PAX4: variants seen among roughly 807,000 people sequenced by gnomAD.
PAX4 encodes the protein paired box protein Pax-4.
PAX4 carries 33 observed loss-of-function variants against 40.6 expected under a neutral mutation model. That is an observed-to-expected ratio of 0.81 (90% CI 0.62 to 1.09). The LOEUF (loss-of-function observed/expected upper bound fraction) is 1.09, where lower values mean the gene tolerates loss of function less well. Ranked by LOEUF, PAX4 falls within the 50% of genes least tolerant of loss-of-function variation. The probability of loss-of-function intolerance (pLI) is 0.00; values close to 1 mark genes in which losing one functional copy is unlikely to be tolerated. For synonymous variants in PAX4, 174 were observed against 170.6 expected (o/e 1.02, Z -0.16); for missense variants, 459 against 442.5 (o/e 1.04, Z -0.33).
intron 8 of PAX4, 121 bp downstream of exon 8, chr7:127,613,329 G>T (rs1794666913): frequency 1.0e-6 from 1 of 991,990 alleles, no homozygotes; most frequent in Non-Finnish European, 1.6e-6. Context: ...TCTGATTGTT[G>T]CTCCAAACAA....
Position 127,611,087 on chromosome 7 carries a change from G to A in PAX4, c.1033C>T (p.Pro345Ser). The A allele has an allele frequency of 6.2e-7, 1 of 1,607,196 alleles. No individual in the cohort carries two copies. The highest frequency in any genetic ancestry group is 8.5e-7 in the Non-Finnish European group (1 of 1,176,212). ...GSQALLWPGC[P>S]LLYGLE is the part of the protein sequence containing the mutation. ...CCTCATTCCAAGCCATACAGTAGTG[G>A]GCAGCCAGGCCAGAGCAGGGCCTGA... is the stretch of plus-strand genomic sequence containing the variant. Residue 345 changes from proline to serine, a missense_variant, in exon 12 of 12, where the codon CCA becomes TCA. By Grantham distance (74) the Pro-to-Ser change is moderately conservative. Transcript: ENST00000639438.
intron 7 of PAX4, 58 bp from the exon 8 acceptor site, chr7:127,613,590 T>C: frequency 6.3e-7 from 1 of 1,594,690 alleles, no homozygotes. Context: ...GGCATGGGTC[T>C]CCCCTTAGGC....
chr7:127,615,209 T>G (rs1014252468), intron 4 of PAX4, 114 bp from the exon 5 acceptor site: 2 of 1,598,348 alleles, frequency 1.3e-6, no homozygotes, highest in Non-Finnish European at 1.7e-6. Context: ...GACCAGGCCA[T>G]GAAGTCGGGA....
chr7:127,616,174 TG>T, intron 2 of PAX4, 147 bp from the exon 3 acceptor site: 1 of 562,632 alleles, frequency 1.8e-6, no homozygotes, highest in Non-Finnish European at 3.1e-6. Flanking sequence ...TTTAAACCTT[TG>T]TGTGATAAAA....
intron 4 of PAX4, 90 bp downstream of exon 4, chr7:127,615,311 G>A: frequency 1.2e-6 from 2 of 1,611,546 alleles, no homozygotes; most frequent in Admixed American, 1.7e-5. Context: ...AGCCCTCAGA[G>A]CCTGCAACAG....
At chr7:127,615,753 C>T in intron 3 of PAX4, 163 bp downstream of exon 3, 8 of 1,499,266 alleles carry the variant, frequency 5.3e-6, no homozygotes, top group Non-Finnish European at 7.1e-6. Flanking sequence ...GCCAACTCTC[C>T]TGATCTAAGG....
chr7:127,612,983 GACT>G, intron 9 of PAX4, 36 bp downstream of exon 9: 3 of 1,460,352 alleles, frequency 2.1e-6, no homozygotes, highest in Non-Finnish European at 2.9e-6. Context: ...ATGGATAGAT[GACT>G]GAGCGGGCAG....
In PAX4 at chr7:127,615,983, G is replaced by A. The variant is rs1794719109; in HGVS notation, c.-55C>T. ...AGACTCCAGCTGGGAAGGCTGGGAA[G>A]GGAAGTTCCTTCTAGGAGCTCCTTT... On this transcript the variant is annotated 5_prime_UTR_variant, in exon 3 of 12. Coordinates refer to ENST00000639438, the MANE Select transcript of PAX4 (RefSeq NM_001366110.1). 3.9e-6 allele frequency: 6 copies of A among 1,533,936 alleles called. No homozygotes were observed. The East Asian group carries it at 7.3e-5, about 19-fold the overall frequency.
At position 127,615,029 on chromosome 7, in the gene PAX4, C is replaced by A. The variant is rs112061448; in HGVS notation, c.211G>T (p.Gly71Cys). 2.1e-4 allele frequency: 333 copies of A among 1,614,220 alleles called. 1 individual carries two copies. In the African/African-American group the frequency reaches 3.8e-3, roughly 19 times the overall value. Residue 71 changes from glycine (G) to cysteine (C), a missense_variant, in exon 5 of 12, where the codon GGC becomes TGC. By Grantham distance (159) the Gly-to-Cys change is radical. Coordinates refer to ENST00000639438, the MANE Select transcript of PAX4 (RefSeq NM_001366110.1). ...AGCCGTGGCTTGCTTCCCCCAATGC[C>A]CTTTGGCTCCAAGACACCTGTGCGG... ...YYRTGVLEPK[G>C]IGGSKPRLAT...
At chr7:127,611,839 C>T (rs1745075830) in intron 10 of PAX4, 106 bp downstream of exon 10, 2 of 1,595,180 alleles carry the variant, frequency 1.3e-6, no homozygotes, top group African/African-American at 2.7e-5. Context: ...GACATGAACA[C>T]TGTGGGGCCC....
rs561444415 is a variant in PAX4 at position 127,613,477 on chromosome 7, G to A, written c.618C>T (p.Ala206=). The change falls in exon 8 of 12, where the codon GCC becomes GCT. Residue 206 remains alanine, a synonymous_variant. Coordinates refer to ENST00000639438, the MANE Select transcript of PAX4 (RefSeq NM_001366110.1). ...TCACCGTGTCCTCAGGCAGAGAGGT[G>A]GCAGTAGCCAGCTTTCCACGGGCCA... ...DSVARGKLAT[A]TSLPEDTVRV... is the part of the protein sequence containing the mutation. 6.2e-6 allele frequency: 10 copies of A among 1,614,170 alleles called. No individual in the cohort carries two copies. The East Asian group carries it at 1.8e-4, about 29-fold the overall frequency.
Position 127,610,819 on chromosome 7 carries a change from C to A in PAX4, c.*245G>T. 6.7e-7 allele frequency: 1 copy of A among 1,487,452 alleles called. No homozygotes were observed. The highest frequency in any genetic ancestry group is 9.1e-7 in the Non-Finnish European group (1 of 1,102,242). The allele number at this position is 1,487,452 out of a possible 1,614,324, so 92.1% of individuals were successfully genotyped here. On this transcript the variant is annotated 3_prime_UTR_variant, in exon 12 of 12. Coordinates refer to ENST00000639438, the MANE Select transcript of PAX4 (RefSeq NM_001366110.1). ...ACAGAACTACTGCTAATAAAAACAG[C>A]TTTTATTACTGCTGAGTGGAGGCCT...
At chr7:127,614,636 C>T (rs1189451904) in intron 5 of PAX4, 79 bp from the exon 6 acceptor site, 1 of 1,290,812 alleles carries the variant, frequency 7.7e-7, no homozygotes, top group African/African-American at 1.5e-5. Context: ...CCTTAATATC[C>T]TTTTTCCCAT....
In PAX4 at chr7:127,615,393, C is replaced by T. The variant is rs200195172; in HGVS notation, c.144+8G>A. ...CCCCATCACTGGGTAAAGGTGCTGGCCCATTACCTTAAGGATCCGTGAGAT... is the reference window on the plus strand; with the variant it reads ...CCCCATCACTGGGTAAAGGTGCTGGTCCATTACCTTAAGGATCCGTGAGAT... On this transcript the variant is annotated splice_region_variant and intron_variant, in intron 4 of 11. Transcript: ENST00000639438. 9 of 1,614,188 alleles carry T rather than the reference C, an allele frequency of 5.6e-6. No homozygotes were observed. In the East Asian group the frequency reaches 1.6e-4, roughly 28 times the overall value.
At chr7:127,614,612 CCT>C (rs1401686218) in intron 5 of PAX4, 55 bp from the exon 6 acceptor site, 2 of 1,433,366 alleles carry the variant, frequency 1.4e-6, no homozygotes, top group Non-Finnish European at 1.9e-6. Context: ...AGGGCTATAC[CCT>C]GAGGATGTTG....
At chr7:127,614,832 C>A (rs200090810) in intron 5 of PAX4, 48 bp downstream of exon 5, 2 of 1,592,048 alleles carry the variant, frequency 1.3e-6, no homozygotes, top group Non-Finnish European at 1.7e-6. Context: ...TTGTCTCCCC[C>A]AGAAAGCCTC....
Position 127,611,138 on chromosome 7 carries a change from A to G in PAX4, c.982T>C (p.Cys328Arg), listed in dbSNP as rs778673698. Residue 328 changes from cysteine to arginine, a missense_variant, in exon 12 of 12, where the codon TGT becomes CGT. Transcript: ENST00000639438. ...GAGCCACTAAGACTGGCCAGGTGAC[A>G]GTGGGAGGAAGGGCAAGGAAGGCAA... is the stretch of plus-strand genomic sequence containing the variant. ...LLCLPCPSSH[C>R]HLASLSGSQA... The G allele has an allele frequency of 2.2e-5, 35 of 1,605,388 alleles. No individual in the cohort carries two copies. The highest frequency in any genetic ancestry group is 2.9e-5 in the Non-Finnish European group (34 of 1,175,714).
intron 6 of PAX4, 55 bp downstream of exon 6, chr7:127,614,427 A>G (rs376637870): frequency 9.4e-5 from 129 of 1,378,290 alleles, no homozygotes; most frequent in Admixed American, 4.1e-4. Flanking sequence ...TTTGAGAACT[A>G]TAAAATGCTA....
At chr7:127,613,561 G>A in intron 7 of PAX4, 29 bp from the exon 8 acceptor site, 1 of 1,611,932 alleles carries the variant, frequency 6.2e-7, no homozygotes, top group Non-Finnish European at 8.5e-7. Context: ...ACAAAGTAAG[G>A]GCACCGGGAG....
Sources: gnomAD v4.1 joint callset for allele counts on GRCh38, gnomAD v4.1.1 for gene constraint, MANE v1.5 for transcripts, NCBI Gene and HGNC (gene_info 2026-07-23, HGNC 2026-07-21) for gene names.